The following NXPE2 variants were observed in gnomAD, a reference collection of about 807,000 sequenced individuals.
NXPE2 encodes neurexophilin and PC-esterase domain family member 2.
NXPE2 carries 34 observed loss-of-function variants against 34.4 expected under a neutral mutation model. The ratio of observed to expected loss-of-function variants is 0.99; its 90% CI spans 0.75 to 1.31. The LOEUF is 1.31. Among genes scored for constraint, NXPE2 ranks in the 40% most tolerant of loss-of-function variants. NXPE2 has a pLI of 0.00. For missense variants in NXPE2, 649 were observed against 672.5 expected (o/e 0.97, Z 0.39); for synonymous variants, 235 against 231.3 (o/e 1.02, Z -0.15).
chr11:114,694,695 T>C (rs1214689507), intron 2 of NXPE2, among the ~76,000 whole-genome samples: 1 of 152,166 alleles, frequency 6.6e-6, no homozygotes, highest in African/African-American at 2.4e-5. Flanking sequence ...TCTCTTATTT[T>C]TCACATGACT....
the NXPE2 span, among the ~76,000 whole-genome samples, chr11:114,649,256 T>C: frequency 3.3e-5 from 5 of 152,186 alleles, no homozygotes; most frequent in Non-Finnish European, 7.4e-5. Flanking sequence ...ATGGTAATAC[T>C]AATGAACCAC....
At chr11:114,593,799 A>G in the NXPE2 span, among the ~76,000 whole-genome samples, 1 of 152,146 alleles carries the variant, frequency 6.6e-6, no homozygotes, top group Admixed American at 6.5e-5. Context: ...ACAAATACAT[A>G]AAGAAAATAT....
chr11:114,584,378 A>G, the NXPE2 span: 3 of 348,710 alleles, frequency 8.6e-6, no homozygotes, highest in African/African-American at 4.5e-5. Context: ...ATGCAGGCCC[A>G]TCCACCTGCA....
chr11:114,515,165 C>A, the NXPE2 span, among the ~76,000 whole-genome samples: 3 of 151,938 alleles, frequency 2.0e-5, no homozygotes, highest in African/African-American at 7.2e-5. Flanking sequence ...TATCATTTAT[C>A]TCTTGTTTAG....
chr11:114,773,273 A>ACC, the NXPE2 span, among the ~76,000 whole-genome samples: 1 of 37,274 alleles, frequency 2.7e-5, no homozygotes, highest in African/African-American at 8.5e-5. Flanking sequence ...TACACAACCC[A>ACC]CTCCCACCCC....
At chr11:114,708,629 CA>C (rs527711557), downstream of NXPE2, among the ~76,000 whole-genome samples, 34 of 116,986 alleles carry the variant, frequency 2.9e-4, no homozygotes, top group Admixed American at 2.6e-4. Context: ...GACTCCATCT[CA>C]AAAAAAAAAA....
the NXPE2 span, among the ~76,000 whole-genome samples, chr11:114,810,810 C>T: frequency 6.6e-6 from 1 of 152,084 alleles, no homozygotes; most frequent in Non-Finnish European, 1.5e-5. Flanking sequence ...ACTAGAAATA[C>T]CATTTGACCC....
chr11:114,522,303 TG>T, the NXPE2 span: 1 of 1,614,066 alleles, frequency 6.2e-7, no homozygotes, highest in Non-Finnish European at 8.5e-7. Context: ...TGGCCAAAGG[TG>T]ATGACGATGG....
chr11:114,511,210 T>C, the NXPE2 span, among the ~76,000 whole-genome samples: 1 of 152,324 alleles, frequency 6.6e-6, no homozygotes, highest in African/African-American at 2.4e-5. Context: ...ATGGTTGTGT[T>C]ACACATTCTG....
At chr11:114,632,751 A>ATAATT in the NXPE2 span, among the ~76,000 whole-genome samples, 1 of 36,324 alleles carries the variant, frequency 2.8e-5, no homozygotes, top group Non-Finnish European at 5.2e-5. Context: ...AATATATTAT[A>ATAATT]ATATATCATA....
the NXPE2 span, among the ~76,000 whole-genome samples, chr11:114,502,473 T>G: frequency 6.6e-6 from 1 of 152,198 alleles, no homozygotes; most frequent in African/African-American, 2.4e-5. Flanking sequence ...TAATGTGCTG[T>G]TTGACCCATC....
chr11:114,747,177 A>G, the NXPE2 span, among the ~76,000 whole-genome samples: 1 of 152,144 alleles, frequency 6.6e-6, no homozygotes, highest in Non-Finnish European at 1.5e-5. Context: ...GAACAACCAC[A>G]AACTTAGTGG....
At chr11:114,801,409 TGAAGGAAGAAG>T in the NXPE2 span, among the ~76,000 whole-genome samples, 2 of 152,128 alleles carry the variant, frequency 1.3e-5, no homozygotes, top group Non-Finnish European at 2.9e-5. Context: ...GAAGACTTAA[TGAAGGAAGAAG>T]ATGAGTTGGA....
the NXPE2 span, among the ~76,000 whole-genome samples, chr11:114,740,766 T>C: frequency 6.6e-6 from 1 of 152,206 alleles, no homozygotes; most frequent in Non-Finnish European, 1.5e-5. Context: ...AAGTAAGGTA[T>C]TGAAGTCCAC....
the NXPE2 span, among the ~76,000 whole-genome samples, chr11:114,604,468 A>G: frequency 3.3e-5 from 5 of 152,060 alleles, no homozygotes; most frequent in Non-Finnish European, 7.4e-5. Flanking sequence ...CCTTGTGGGT[A>G]ACCACTGTTA....
the NXPE2 span, among the ~76,000 whole-genome samples, chr11:114,755,487 A>ATG: frequency 6.6e-6 from 1 of 152,158 alleles, no homozygotes; most frequent in African/African-American, 2.4e-5. Flanking sequence ...CATATCCTGG[A>ATG]TGTGTGCTCT....
At chr11:114,472,552 T>A in the NXPE2 span, among the ~76,000 whole-genome samples, 1 of 152,204 alleles carries the variant, frequency 6.6e-6, no homozygotes, top group South Asian at 2.1e-4. Flanking sequence ...CTGTGCAGGC[T>A]GCTATAACAA....
chr11:114,748,035 C>T, the NXPE2 span, among the ~76,000 whole-genome samples: 2 of 152,286 alleles, frequency 1.3e-5, no homozygotes, highest in Middle Eastern at 3.4e-3. Flanking sequence ...TTATTAGATG[C>T]CACATATGAG....
At chr11:114,755,889 G>A in the NXPE2 span, among the ~76,000 whole-genome samples, 1 of 152,028 alleles carries the variant, frequency 6.6e-6, no homozygotes, top group Non-Finnish European at 1.5e-5. Flanking sequence ...TGAACCTCAA[G>A]TTTCATACTT....
Sources: gnomAD v4.1 joint callset for allele counts (sites outside exome capture counted in the v4.1 genomes callset) on GRCh38, gnomAD v4.1.1 for gene constraint, MANE v1.5 for transcripts, NCBI Gene and HGNC (gene_info 2026-07-23, HGNC 2026-07-21) for gene names.